Variants in GET1 observed in about 807,000 individuals in gnomAD.
GET1 encodes the protein guided entry of tail-anchored proteins factor 1.
Under a neutral mutation model 22.6 loss-of-function variants are expected in GET1, and 20 were observed. The ratio of observed to expected loss-of-function variants is 0.89; its 90% CI spans 0.62 to 1.29. GET1 has a LOEUF of 1.29. Among genes scored for constraint, GET1 ranks in the 50% most tolerant of loss-of-function variants. GET1 has a pLI of 0.00. For synonymous variants in GET1, 92 were observed against 83.8 expected, an observed-to-expected ratio of 1.10 and a Z score of -0.53; for missense variants, 209 against 219.9, an observed-to-expected ratio of 0.95 and a Z score of 0.31.
chr21:39,428,454 G>A, exon 2 of GET1: 1 of 1,610,494 alleles, frequency 6.2e-7, no homozygotes, highest in Non-Finnish European at 8.5e-7. Flanking sequence ...CCGAAGAAAT[G>A]CTCATCTATA....
At chr21:39,417,845 A>G (rs2041528340) in intron 1 of GET1, among the ~76,000 whole-genome samples, 1 of 152,070 alleles carries the variant, frequency 6.6e-6, no homozygotes, top group Admixed American at 6.5e-5. Context: ...CGCTCACTGC[A>G]AGCTCCGCCT....
chr21:39,405,717 T>G, intron 4 of GET1: 3 of 470,124 alleles, frequency 6.4e-6, no homozygotes, highest in Non-Finnish European at 1.1e-5. Flanking sequence ...TAAAATAGAT[T>G]TTTTACTAGA....
At chr21:39,403,139 C>G (rs562752956) in intron 4 of GET1, among the ~76,000 whole-genome samples, 4 of 152,084 alleles carry the variant, frequency 2.6e-5, no homozygotes, top group Admixed American at 2.6e-4. Flanking sequence ...TACATTTCTC[C>G]GGAATTGAGG....
intron 2 of GET1, 55 bp downstream of exon 2, chr21:39,390,918 C>T: frequency 1.3e-6 from 2 of 1,587,812 alleles, no homozygotes; most frequent in South Asian, 1.1e-5. Flanking sequence ...ATAGAGAAGT[C>T]TGTATGTGAA....
chr21:39,405,521 A>G (rs2038993484), intron 4 of GET1, among the ~76,000 whole-genome samples: 1 of 152,160 alleles, frequency 6.6e-6, no homozygotes, highest in Non-Finnish European at 1.5e-5. Flanking sequence ...GTTACAATTC[A>G]ACTCTATTGC....
intron 1 of GET1, among the ~76,000 whole-genome samples, chr21:39,424,794 G>C (rs139863847): frequency 4.6e-4 from 70 of 152,328 alleles, no homozygotes; most frequent in African/African-American, 1.6e-3. Flanking sequence ...ATTGGCATGT[G>C]TCCAGGGGTC....
intron 1 of GET1, among the ~76,000 whole-genome samples, chr21:39,424,847 A>G (rs947198904): frequency 5.3e-5 from 8 of 152,214 alleles, no homozygotes; most frequent in Non-Finnish European, 1.2e-4. Flanking sequence ...GTTAGCACCA[A>G]ACTTACCTAA....
intron 1 of GET1, 34 bp downstream of exon 1, chr21:39,380,520 G>A (rs964764414): frequency 1.4e-5 from 23 of 1,590,220 alleles, no homozygotes; most frequent in South Asian, 3.4e-5. Flanking sequence ...AGGGCCGGTG[G>A]GGATGCCGCC....
chr21:39,403,138 C>G lies in GET1; in HGVS notation c.350-2776C>G, dbSNP rs948998051. Among the ~76,000 whole-genome samples, 3 of 152,136 alleles carry G rather than the reference C, an allele frequency of 2.0e-5. No homozygotes were observed. The South Asian group carries it at 6.2e-4, about 31-fold the overall frequency. On this transcript the variant is annotated intron_variant, in intron 4 of 4. Transcript: ENST00000415847. ...CCAGGAGTCCTTTTAATACATTTCT[C>G]CGGAATTGAGGCCACTATGTCATCT...
At chr21:39,411,081 CA>C, downstream of GET1, 1 of 357,090 alleles carries the variant, frequency 2.8e-6, no homozygotes, top group Non-Finnish European at 5.5e-6. Context: ...AGATGAATCT[CA>C]AAAACACTAT....
At chr21:39,406,558 C>A (rs372283171) in exon 5 of GET1, 1 of 1,608,464 alleles carries the variant, frequency 6.2e-7, no homozygotes, top group East Asian at 2.2e-5. Flanking sequence ...TTTTTGTCTT[C>A]CAGTATTCTC....
chr21:39,412,557 A>AG (rs1332179987), intron 1 of GET1, among the ~76,000 whole-genome samples: 1 of 151,974 alleles, frequency 6.6e-6, no homozygotes, highest in African/African-American at 2.4e-5. Context: ...TGAAGTAAGG[A>AG]GGAAGGAACC....
chr21:39,401,474 G>A (rs2038837228), downstream of GET1, among the ~76,000 whole-genome samples: 1 of 152,154 alleles, frequency 6.6e-6, no homozygotes, highest in Non-Finnish European at 1.5e-5. Context: ...CCAAGTTTTA[G>A]AAGAACCTTT....
chr21:39,392,224 C>A (rs2038347771), intron 3 of GET1, among the ~76,000 whole-genome samples: 1 of 152,182 alleles, frequency 6.6e-6, no homozygotes, highest in African/African-American at 2.4e-5. Context: ...TTCATGCACG[C>A]TCTCCACCCT....
intron 1 of GET1, chr21:39,422,860 G>T: frequency 3.2e-6 from 3 of 942,172 alleles, no homozygotes; most frequent in South Asian, 1.6e-5. Context: ...AGTGCAGCAC[G>T]CCAAGTGAAG....
chr21:39,417,153 C>G (rs1005435986), intron 1 of GET1, among the ~76,000 whole-genome samples: 5 of 152,212 alleles, frequency 3.3e-5, no homozygotes, highest in African/African-American at 1.2e-4. Context: ...CTGCCCCAGC[C>G]TCCTGAGTAG....
intron 4 of GET1, among the ~76,000 whole-genome samples, chr21:39,403,965 G>A (rs571350738): frequency 8.8e-4 from 133 of 151,752 alleles, no homozygotes; most frequent in Non-Finnish European, 1.6e-3. Context: ...TTGCTCCTTC[G>A]CCCAGGCTGG....
downstream of GET1, among the ~76,000 whole-genome samples, chr21:39,408,151 C>T (rs755718003): frequency 2.0e-5 from 3 of 152,142 alleles, no homozygotes; most frequent in African/African-American, 7.2e-5. Flanking sequence ...AGATCTCCCA[C>T]GAGTGGTAAT....
chr21:39,409,952 A>C (rs1282293891), downstream of GET1: 1 of 1,242,418 alleles, frequency 8.0e-7, no homozygotes, highest in Non-Finnish European at 1.2e-6. The surrounding 1 kb of genome is among the most constrained non-coding windows in gnomAD (Gnocchi z 4.2). Flanking sequence ...AAATCAGATA[A>C]GATAGACTTT....
Sources: gnomAD v4.1 joint callset for allele counts (sites outside exome capture counted in the v4.1 genomes callset) on GRCh38, gnomAD v4.1.1 for gene constraint, Gnocchi (gnomAD v3.1) non-coding constraint, MANE v1.5 for transcripts, NCBI Gene and HGNC (gene_info 2026-07-23, HGNC 2026-07-21) for gene names.